Variants in ALG13 observed in about 807,000 individuals in gnomAD.
The protein encoded by ALG13 is ALG13 UDP-N-acetylglucosaminyltransferase subunit, also known as UDP-N-acetylglucosamine transferase subunit ALG13.
In ALG13, 11 loss-of-function variants were observed where a neutral mutation model predicts 87.8. The observed-to-expected ratio is 0.13, with a 90% CI of 0.08 to 0.21. The LOEUF (loss-of-function observed/expected upper bound fraction) is 0.21, where lower values mean the gene tolerates loss of function less well. Ranked by LOEUF, ALG13 falls within the 10% of genes least tolerant of loss-of-function variation. The pLI, the probability that ALG13 is intolerant of heterozygous loss-of-function variation, is 1.00. For missense variants in ALG13, 756 were observed against 866.1 expected (o/e 0.87, Z 1.60); for synonymous variants, 320 against 306.3 (o/e 1.04, Z -0.47).
In ALG13 at chrX:111,681,311, A is replaced by G; in HGVS notation, c.81+12A>G. The G allele has an allele frequency of 8.3e-7, 1 of 1,210,118 alleles. No individual in the cohort carries two copies. The stretch of plus-strand genomic sequence containing the variant: ...CCGACAGTCTGCAAGTGAGTGAGGG[A>G]GGCGAGCAGGCGGCGGCTTGGCTCG... On this transcript the variant is annotated intron_variant, in intron 1 of 26. Coordinates refer to ENST00000394780, the MANE Select transcript of ALG13 (RefSeq NM_001099922.3).
intron 21 of ALG13, among the ~76,000 whole-genome samples, chrX:111,732,365 C>G (rs1942790169): frequency 1.8e-5 from 2 of 112,208 alleles, no homozygotes; most frequent in African/African-American, 6.5e-5. Flanking sequence ...CCCCCAAAAT[C>G]TCAGTGGCTT....
At chrX:111,733,306 G>A (rs762292578) in intron 21 of ALG13, among the ~76,000 whole-genome samples, 61 of 110,223 alleles carry the variant, frequency 5.5e-4, no homozygotes, top group African/African-American at 8.6e-4. Context: ...CATTTCCCCC[G>A]AGTCCCCAAA....
Position 111,726,422 on chromosome X carries a change from C to T in ALG13, c.1730-387C>T, listed in dbSNP as rs774017550. 8.4e-5 allele frequency among the ~76,000 whole-genome samples: 9 copies of T among 106,682 alleles called. No individual in the cohort carries two copies. In the East Asian group the frequency reaches 2.4e-3, roughly 28 times the overall value. The allele number at this position is 106,682 out of a possible 115,157, so 92.6% of individuals were successfully genotyped here. ...CTAATTCTTGCATTTTCAGTAGAGA[C>T]GGTTTCACCATGTTAACTAGGCTGT... On this transcript the variant is annotated intron_variant, in intron 15 of 26. Coordinates refer to ENST00000394780, the MANE Select transcript of ALG13 (RefSeq NM_001099922.3).
chrX:111,750,606 G>A (rs1237647770), intron 24 of ALG13, among the ~76,000 whole-genome samples: 1 of 109,915 alleles, frequency 9.1e-6, no homozygotes, highest in Middle Eastern at 4.6e-3. Flanking sequence ...ATTTCTGTCA[G>A]CATTTTTTTA....
At chrX:111,735,528 G>T (rs1032903543) in intron 22 of ALG13, among the ~76,000 whole-genome samples, 3 of 111,537 alleles carry the variant, frequency 2.7e-5, no homozygotes, top group African/African-American at 9.8e-5. Context: ...AAGAGATTGA[G>T]AAGGGCATCT....
At chrX:111,707,279 A>G (rs1393461514) in intron 3 of ALG13, among the ~76,000 whole-genome samples, 1 of 112,456 alleles carries the variant, frequency 8.9e-6, no homozygotes, top group East Asian at 2.8e-4. Flanking sequence ...GGATATTTTC[A>G]TGCTGCTTCC....
chrX:111,723,951 T>C, intron 14 of ALG13, 53 bp downstream of exon 14: 1 of 779,710 alleles, frequency 1.3e-6, no homozygotes, highest in Non-Finnish European at 1.8e-6. Flanking sequence ...CCTGGTTCCA[T>C]TTCGTAATAT....
intron 12 of ALG13, 91 bp downstream of exon 12, chrX:111,721,802 CT>C: frequency 2.0e-6 from 1 of 508,425 alleles, no homozygotes; most frequent in Non-Finnish European, 3.3e-6. Flanking sequence ...ATAAGAAATA[CT>C]GTTATAAAAA....
chrX:111,755,855 G>A (rs764311036), intron 25 of ALG13, among the ~76,000 whole-genome samples: 8 of 112,501 alleles, frequency 7.1e-5, no homozygotes, highest in Non-Finnish European at 1.5e-4. Flanking sequence ...GGAAGACAGT[G>A]TGGTAATTCC....
At position 111,681,531 on chromosome X, in the gene ALG13, C is replaced by T. The variant is rs1403233350; in HGVS notation, c.81+232C>T. On this transcript the variant is annotated intron_variant, in intron 1 of 26. Transcript: ENST00000394780. Reference sequence around the variant, plus strand: ...TCCTCTTCCCATTATTCCGGCCGCTCCTCTCCCTCATTTCTTCAGCTCCTT... The same window carrying T: ...TCCTCTTCCCATTATTCCGGCCGCTTCTCTCCCTCATTTCTTCAGCTCCTT... 8.1e-6 allele frequency: 8 copies of T among 981,988 alleles called. No homozygotes were observed. The Admixed American group carries it at 1.7e-4, about 21-fold the overall frequency. The allele number at this position is 981,988 out of a possible 1,213,427, so 80.9% of individuals were successfully genotyped here.
rs182573127 is a variant in ALG13 at position 111,711,265 on chromosome X, A to G, written c.835-410A>G. Among the ~76,000 whole-genome samples the G allele has an allele frequency of 1.4e-4, 16 of 112,240 alleles. No individual in the cohort carries two copies. The East Asian group carries it at 3.6e-3, about 26-fold the overall frequency. On this transcript the variant is annotated intron_variant, in intron 5 of 26. Transcript: ENST00000394780. ...CACCCCTAAAAGGTTCGCTTGTCCCATGGTCTTTTTAGAAACTAATGAAAT... is the reference window on the plus strand; with the variant it reads ...CACCCCTAAAAGGTTCGCTTGTCCCGTGGTCTTTTTAGAAACTAATGAAAT...
At position 111,681,284 on chromosome X, in the gene ALG13, G is replaced by T; in HGVS notation, c.66G>T (p.Ala22=). 1 of 1,211,970 alleles carries T rather than the reference G, an allele frequency of 8.3e-7. No homozygotes were observed. The highest frequency in any genetic ancestry group is 1.1e-6 in the Non-Finnish European group (1 of 895,485). The change falls in exon 1 of 27, where the codon GCG becomes GCT. Residue 22 remains alanine (A), a synonymous_variant. Transcript: ENST00000394780. Reference sequence around the variant, plus strand: ...ACGACCTCATTGCGTGTGTGTCGGCGCCCGACAGTCTGCAAGTGAGTGAGG... The same window carrying T: ...ACGACCTCATTGCGTGTGTGTCGGCTCCCGACAGTCTGCAAGTGAGTGAGG... ...SFDDLIACVS[A]PDSLQKIESL... is the part of the protein sequence containing the mutation.
chrX:111,695,593 T>C (rs1421424086), intron 3 of ALG13, among the ~76,000 whole-genome samples: 1 of 111,412 alleles, frequency 9.0e-6, no homozygotes, highest in African/African-American at 3.3e-5. Flanking sequence ...AAGTAATATT[T>C]TCCTTTAAAA....
chrX:111,735,875 T>G (rs1260311103), intron 22 of ALG13, among the ~76,000 whole-genome samples: 2 of 110,713 alleles, frequency 1.8e-5, no homozygotes, highest in Non-Finnish European at 3.8e-5. Flanking sequence ...CTGAATATCT[T>G]TCTGTGCACA....
rs187694836 is a variant in ALG13 at position 111,715,843 on chromosome X, T to C, written c.1006-2003T>C. Among the ~76,000 whole-genome samples the C allele has an allele frequency of 9.8e-5, 11 of 112,819 alleles. No individual in the cohort carries two copies. The East Asian group carries it at 3.1e-3, about 31-fold the overall frequency. On this transcript the variant is annotated intron_variant, in intron 8 of 26. Transcript: ENST00000394780. The stretch of plus-strand genomic sequence containing the variant: ...AATATTCACTTTGGCATCTTTCATC[T>C]TGTGTGTTGACTTAATTCTGCATTC...
At chrX:111,739,560 G>T (rs897891765) in intron 23 of ALG13, among the ~76,000 whole-genome samples, 23 of 112,617 alleles carry the variant, frequency 2.0e-4, no homozygotes, top group African/African-American at 7.1e-4. Context: ...GAAATACAAT[G>T]ATAATCATCA....
chrX:111,699,684 T>C (rs1373539258), intron 3 of ALG13, among the ~76,000 whole-genome samples: 1 of 111,785 alleles, frequency 8.9e-6, no homozygotes, highest in Non-Finnish European at 1.9e-5. Context: ...TTGTTGAAAA[T>C]TGACCATAAA....
Position 111,730,555 on chromosome X carries a change from G to A in ALG13, c.2432G>A (p.Ser811Asn). ...EPDYETSGVY[S>N]TTASTANLSL... ...GACTATGAAACTTCAGGTGTTTATAGCACAACTGCATCTACAGCAAACTTG... is the reference window on the plus strand; with the variant it reads ...GACTATGAAACTTCAGGTGTTTATAACACAACTGCATCTACAGCAAACTTG... Residue 811 changes from serine (S) to asparagine (N), a missense_variant, in exon 21 of 27, where the codon AGC becomes AAC. Around this residue, in one of 9 missense-constraint regions of ALG13, gnomAD observed 362 missense variants for 383.5 expected, o/e 0.94. Transcript: ENST00000394780. 2 of 1,187,373 alleles carry A rather than the reference G, an allele frequency of 1.7e-6. No homozygotes were observed. The highest frequency in any genetic ancestry group is 3.0e-5 in the East Asian group (1 of 33,089).
chrX:111,688,062 A>G (rs1183755423), intron 3 of ALG13: 8 of 936,417 alleles, frequency 8.5e-6, no homozygotes, highest in Non-Finnish European at 1.1e-5. Flanking sequence ...ATGTGATTAA[A>G]TCAAATTAAA....
Sources: gnomAD v4.1 joint callset for allele counts (sites outside exome capture counted in the v4.1 genomes callset) on GRCh38, gnomAD v4.1.1 for gene constraint, gnomAD v4.1.1 regional missense constraint, MANE v1.5 for transcripts, NCBI Gene and HGNC (gene_info 2026-07-23, HGNC 2026-07-21) for gene names.